Variants in CAD observed in about 807,000 individuals in gnomAD.
CAD encodes multifunctional protein CAD.
CAD carries 81 observed loss-of-function variants against 237.2 expected under a neutral mutation model. That is an observed-to-expected ratio of 0.34 (90% confidence interval 0.29 to 0.41). CAD has a LOEUF of 0.41. Ranked by LOEUF, CAD falls within the 10% of genes least tolerant of loss-of-function variation. CAD has a pLI of 1.00. For synonymous variants in CAD, 1,196 were observed against 1,162.8 expected, an observed-to-expected ratio of 1.03 and a Z score of -0.58; for missense variants, 2,181 against 2,951.7, an observed-to-expected ratio of 0.74 and a Z score of 6.05.
Position 27,223,042 on chromosome 2 carries a change from G to T in CAD, c.809+5G>T, listed in dbSNP as rs1388988803. The T allele has an allele frequency of 6.2e-7, 1 of 1,613,868 alleles. No homozygotes were observed. Among genetic ancestry groups the T allele is most frequent in the Non-Finnish European group, 8.5e-7 (1 of 1,179,934 alleles). On this transcript the variant is annotated splice_donor_5th_base_variant and intron_variant, in intron 6 of 43. Transcript: ENST00000264705. ...GGCCAAGACTTACAAGATGAGGTGG[G>T]ACTTGTGGGGAGCAGAAGGGGCCCA... is the stretch of plus-strand genomic sequence containing the variant.
rs375293162 is a variant in CAD, at chr2:27,231,418, C to G, written c.2288-50C>G. On this transcript the variant is annotated intron_variant, in intron 15 of 43. Transcript: ENST00000264705. Reference sequence around the variant, plus strand: ...TAAGCATTATGGGCAGTGCCTTCTTCCCACCCCTTCCACCTCCACACCTTC... The same window carrying G: ...TAAGCATTATGGGCAGTGCCTTCTTGCCACCCCTTCCACCTCCACACCTTC... 13 of 1,070,916 alleles carry G rather than the reference C, an allele frequency of 1.2e-5. No individual in the cohort carries two copies. In the African/African-American group the frequency reaches 1.4e-4, roughly 11 times the overall value. 66.3% of individuals were successfully genotyped at this position (1,070,916 alleles called of 1,614,324 possible).
chr2:27,231,250 T>C (rs937399436), intron 15 of CAD, among the ~76,000 whole-genome samples: 4 of 152,092 alleles, frequency 2.6e-5, no homozygotes, highest in African/African-American at 9.7e-5. Flanking sequence ...TCGTGATCCT[T>C]CCGCCTCAGC....
chr2:27,240,162 A>T lies in CAD; in HGVS notation c.5497-103A>T. 1 of 919,514 alleles carries T rather than the reference A, an allele frequency of 1.1e-6. No individual in the cohort carries two copies. Among genetic ancestry groups the T allele is most frequent in the Middle Eastern group, 2.2e-4 (1 of 4,474 alleles). 57.0% of individuals were successfully genotyped at this position (919,514 alleles called of 1,614,324 possible). A position where few individuals can be genotyped will look rare whatever the true frequency, so the allele number is the denominator to read the frequency against. ...AGGCTGAGGCAGGAGAATTGCTTGA[A>T]CCCAGAAGGTCACGCCACTGCACTC... On this transcript the variant is annotated intron_variant, in intron 34 of 43. Coordinates refer to ENST00000264705, the MANE Select transcript of CAD (RefSeq NM_004341.5). The surrounding 1 kb of genome is among the most constrained non-coding windows in gnomAD (Gnocchi z 4.6).
In CAD at chr2:27,217,524, C is replaced by A; in HGVS notation, c.-28C>A. On this transcript the variant is annotated 5_prime_UTR_variant, in exon 1 of 44. Transcript: ENST00000264705. ...TTGCAGTCCTTCCCGCTTCTCCGTA[C>A]TCGCCCCCGCCTCTGAGCTCCCTTC... is the stretch of plus-strand genomic sequence containing the variant. The A allele has an allele frequency of 6.4e-7, 1 of 1,571,750 alleles. No individual in the cohort carries two copies. The highest frequency in any genetic ancestry group is 8.7e-7 in the Non-Finnish European group (1 of 1,153,946).
rs1676146879 is a variant in CAD, at chr2:27,238,714, CCTCAGGA to C, written c.5062+86_5062+92del. ...GCAAGAAAATGGGAAGCAGGCCAGG[CCTCAGGA>C]CTCTACTAGGACAGGGTCTTGATCC... On this transcript the variant is annotated intron_variant, in intron 31 of 43. Transcript: ENST00000264705. The C allele has an allele frequency of 6.1e-6, 8 of 1,300,816 alleles. No individual in the cohort carries two copies. In the Admixed American group the frequency reaches 1.7e-4, roughly 27 times the overall value. 80.6% of individuals were successfully genotyped at this position (1,300,816 alleles called of 1,614,324 possible).
At chr2:27,220,267 A>C (rs1675090573) in intron 2 of CAD, among the ~76,000 whole-genome samples, 1 of 152,228 alleles carries the variant, frequency 6.6e-6, no homozygotes, top group Non-Finnish European at 1.5e-5. Context: ...TAAAGTATTA[A>C]AACAGCTCTA....
At chr2:27,217,827 G>A (rs759373459) in intron 1 of CAD, 50 bp from the exon 2 acceptor site, 1 of 1,540,578 alleles carries the variant, frequency 6.5e-7, no homozygotes, top group South Asian at 1.3e-5. Flanking sequence ...CGCGCGGGGA[G>A]TGTTCCGAAG....
At position 27,217,385 on chromosome 2, in the gene CAD, G is replaced by A; in HGVS notation, c.-167G>A. 2 of 638,116 alleles carry A rather than the reference G, an allele frequency of 3.1e-6. No homozygotes were observed. Among genetic ancestry groups the A allele is most frequent in the South Asian group, 1.8e-5 (1 of 55,694 alleles). 39.5% of individuals were successfully genotyped at this position (638,116 alleles called of 1,614,324 possible). ...CGCCGCCGCAGTCTCTGCTGCTGCC[G>A]CCAAGCGCGCCCGAGGCTCCTACGC... On this transcript the variant is annotated 5_prime_UTR_variant, in exon 1 of 44. Transcript: ENST00000264705.
In CAD at chr2:27,234,039, G is replaced by A. The variant is rs1675890675; in HGVS notation, c.3431G>A (p.Gly1144Asp). ...EIDVDAVASD[G>D]VVAAIAISEH... ...GACGTGGATGCCGTGGCCTCTGATG[G>A]TGTGGTGGCAGCCATCGCCATCTCT... Residue 1144 changes from glycine to aspartate, a missense_variant, in exon 22 of 44, where the codon GGT becomes GAT. Physicochemically the swap from Gly to Asp is moderately conservative, Grantham distance 94 (BLOSUM62 -1). Coordinates refer to ENST00000264705, the MANE Select transcript of CAD (RefSeq NM_004341.5). 6.2e-7 allele frequency: 1 copy of A among 1,614,126 alleles called. No homozygotes were observed. Among genetic ancestry groups the A allele is most frequent in the East Asian group, 2.2e-5 (1 of 44,880 alleles).
chr2:27,222,169 C>T (rs1675203164), intron 3 of CAD, 25 bp from the exon 4 acceptor site: 4 of 1,608,382 alleles, frequency 2.5e-6, no homozygotes, highest in Middle Eastern at 1.7e-4. Context: ...GGAATGTGAT[C>T]CCTAAGACTG....
Position 27,232,760 on chromosome 2 carries a change from C to T in CAD, c.2892+66C>T. On this transcript the variant is annotated intron_variant, in intron 18 of 43. Coordinates refer to ENST00000264705, the MANE Select transcript of CAD (RefSeq NM_004341.5). The surrounding 1 kb of genome is among the most constrained non-coding windows in gnomAD (Gnocchi z 4.1). ...GTTCATCTCTAGCAATTGCTTGGCA[C>T]TAATCCTGGCATTTCCTATTAATTG... 1 of 1,589,052 alleles carries T rather than the reference C, an allele frequency of 6.3e-7. No individual in the cohort carries two copies. The highest frequency in any genetic ancestry group is 1.7e-5 in the Admixed American group (1 of 59,572).
rs1427861430 is a variant in CAD, at chr2:27,217,423, C to T, written c.-129C>T. On this transcript the variant is annotated 5_prime_UTR_variant, in exon 1 of 44. Transcript: ENST00000264705. ...GAGGCTCCTACGCTGCCGCGCCCGG[C>T]TTCTCTCCAGCGCCCCGCGCCGTTA... The T allele has an allele frequency of 2.5e-6, 2 of 812,590 alleles. No individual in the cohort carries two copies. The highest frequency in any genetic ancestry group is 2.1e-6 in the Non-Finnish European group (1 of 485,680). The allele number at this position is 812,590 out of a possible 1,614,324, so 50.3% of individuals were successfully genotyped here.
chr2:27,226,124 T>C lies in CAD; in HGVS notation c.1843-7T>C. ...GGCAGTGACCTCCATGGCACCCCCC[T>C]TCACAGGTGTGTAACATGGAGAACT... On this transcript the variant is annotated splice_region_variant and splice_polypyrimidine_tract_variant and intron_variant, in intron 12 of 43. Transcript: ENST00000264705. The C allele has an allele frequency of 6.2e-7, 1 of 1,613,484 alleles. No homozygotes were observed. Among genetic ancestry groups the C allele is most frequent in the Non-Finnish European group, 8.5e-7 (1 of 1,179,500 alleles).
intron 7 of CAD, 66 bp from the exon 8 acceptor site, chr2:27,223,851 C>A (rs775277780): frequency 6.5e-7 from 1 of 1,535,288 alleles, no homozygotes; most frequent in Non-Finnish European, 9.0e-7. Context: ...TCCCACTACC[C>A]ACCTCGAGGC....
Position 27,229,500 on chromosome 2 carries a change from G to T in CAD, c.2288-1968G>T, listed in dbSNP as rs115848483. 3.6e-3 allele frequency among the ~76,000 whole-genome samples: 546 copies of T among 152,022 alleles called. 5 individuals are homozygous for T. The highest frequency in any genetic ancestry group is 0.013 in the African/African-American group (522 of 41,456). On this transcript the variant is annotated intron_variant, in intron 15 of 43. Coordinates refer to ENST00000264705, the MANE Select transcript of CAD (RefSeq NM_004341.5). ...ATGTTGTGCCGGCTGGTCTCAATCT[G>T]CCTTAGGTGATCCTTCTGCCTCAGC...
At position 27,217,456 on chromosome 2, in the gene CAD, G is replaced by A; in HGVS notation, c.-96G>A. 2 of 1,097,998 alleles carry A rather than the reference G, an allele frequency of 1.8e-6. No homozygotes were observed. The highest frequency in any genetic ancestry group is 1.3e-5 in the South Asian group (1 of 74,982). 68.0% of individuals were successfully genotyped at this position (1,097,998 alleles called of 1,614,324 possible). A position where few individuals can be genotyped will look rare whatever the true frequency, so the allele number is the denominator to read the frequency against. ...CAGCGCCCCGCGCCGTTAGCCACGTGGACCGACTCCGGCGCGCCGTCCTCA... is the reference window on the plus strand; with the variant it reads ...CAGCGCCCCGCGCCGTTAGCCACGTAGACCGACTCCGGCGCGCCGTCCTCA... On this transcript the variant is annotated 5_prime_UTR_variant, in exon 1 of 44. Coordinates refer to ENST00000264705, the MANE Select transcript of CAD (RefSeq NM_004341.5).
intron 9 of CAD, 65 bp from the exon 10 acceptor site, chr2:27,224,680 A>T (rs942589760): frequency 6.3e-7 from 1 of 1,598,562 alleles, no homozygotes; most frequent in African/African-American, 1.3e-5. Context: ...GGAGAATGCT[A>T]CTCTAAGGCT....
intron 9 of CAD, 68 bp from the exon 10 acceptor site, chr2:27,224,677 G>A (rs1247932710): frequency 4.4e-6 from 7 of 1,576,858 alleles, no homozygotes; most frequent in Non-Finnish European, 2.6e-6. Flanking sequence ...AGAGGAGAAT[G>A]CTACTCTAAG....
At position 27,225,921 on chromosome 2, in the gene CAD, G is replaced by T. The variant is rs749682494; in HGVS notation, c.1837G>T (p.Val613Phe). 6.2e-7 allele frequency: 1 copy of T among 1,613,652 alleles called. No individual in the cohort carries two copies. Among genetic ancestry groups the T allele is most frequent in the Non-Finnish European group, 8.5e-7 (1 of 1,179,480 alleles). ...GGTGAGAGACGCCTATGGCAACTGTGTCACGGTGAGTGAATGGGGGAAGGG... is the reference window on the plus strand; with the variant it reads ...GGTGAGAGACGCCTATGGCAACTGTTTCACGGTGAGTGAATGGGGGAAGGG... The part of the protein sequence containing the change: ...EVVRDAYGNC[V>F]TVCNMENLDP... The change falls in exon 12 of 44, where the codon GTC (valine) becomes TTC (phenylalanine). Residue 613 changes from valine (V) to phenylalanine (F), a missense_variant. Coordinates refer to ENST00000264705, the MANE Select transcript of CAD (RefSeq NM_004341.5).
Sources: gnomAD v4.1 joint callset for allele counts (sites outside exome capture counted in the v4.1 genomes callset) on GRCh38, gnomAD v4.1.1 for gene constraint, Gnocchi (gnomAD v3.1) non-coding constraint, MANE v1.5 for transcripts, NCBI Gene and HGNC (gene_info 2026-07-23, HGNC 2026-07-21) for gene names.